SPAG11B: variants seen among roughly 807,000 people sequenced by gnomAD.
The protein encoded by SPAG11B is sperm associated antigen 11B, also known as sperm-associated antigen 11B.
In SPAG11B, 5 loss-of-function variants were observed where a neutral mutation model predicts 8.9. The ratio of observed to expected loss-of-function variants is 0.56; its 90% CI spans 0.29 to 1.19. SPAG11B has a LOEUF of 1.19. Ranked by LOEUF, SPAG11B falls within the 50% of genes most tolerant of loss-of-function variation. The pLI is 0.08. For synonymous variants in SPAG11B, 12 were observed against 53.0 expected, an observed-to-expected ratio of 0.23 and a Z score of 3.36; for missense variants, 38 against 146.4, an observed-to-expected ratio of 0.26 and a Z score of 3.82.
chr8:7,453,559 T>C (rs1810318550), intron 2 of SPAG11B, among the ~76,000 whole-genome samples: 1 of 149,046 alleles, frequency 6.7e-6, no homozygotes, highest in Non-Finnish European at 1.5e-5. Context: ...TGCAGAGCCT[T>C]GTTATTCTTC....
chr8:7,458,650 C>A, intron 2 of SPAG11B, among the ~76,000 whole-genome samples: 2 of 111,158 alleles, frequency 1.8e-5, no homozygotes, highest in Non-Finnish European at 3.6e-5. Flanking sequence ...AATCTAATAA[C>A]TGAACTTCAA....
At chr8:7,459,622 G>C (rs1404800902) in intron 2 of SPAG11B, among the ~76,000 whole-genome samples, 1 of 146,034 alleles carries the variant, frequency 6.8e-6, no homozygotes, top group Non-Finnish European at 1.5e-5. Context: ...GAGGAGTGAA[G>C]GGTTTGGACC....
rs1456844892 is a variant in SPAG11B, at chr8:7,458,989, G to A, written c.214+3718C>T. Among the ~76,000 whole-genome samples the A allele has an allele frequency of 6.7e-5, 6 of 89,640 alleles. 1 individual carries two copies. The highest frequency in any genetic ancestry group is 7.1e-5 in the African/African-American group (1 of 14,010). 58.8% of individuals were successfully genotyped at this position (89,640 alleles called of 152,430 possible). On this transcript the variant is annotated intron_variant, in intron 2 of 2. Transcript: ENST00000398462. ...CGACGCGGACAGATCACCTGAGGTC[G>A]GGAGTTTGAGACCAGCCTGATCAAC...
At chr8:7,452,692 G>T (rs1810251517) in intron 2 of SPAG11B, among the ~76,000 whole-genome samples, 1 of 64,736 alleles carries the variant, frequency 1.5e-5, no homozygotes, top group East Asian at 4.3e-4. Flanking sequence ...GAAAGCTGCG[G>T]TGTCCACCAC....
chr8:7,458,921 G>A (rs1347209595), intron 2 of SPAG11B, among the ~76,000 whole-genome samples: 4 of 54,282 alleles, frequency 7.4e-5, no homozygotes, highest in African/African-American at 2.3e-4. Flanking sequence ...TAACCTGGCC[G>A]GGCGCGGTGG....
At chr8:7,451,686 G>T (rs1810181830) in intron 2 of SPAG11B, among the ~76,000 whole-genome samples, 1 of 123,158 alleles carries the variant, frequency 8.1e-6, no homozygotes, top group Non-Finnish European at 1.7e-5. Context: ...AGACAGAAGA[G>T]CCCCCAGCCT....
In SPAG11B at chr8:7,450,872, G is replaced by T; in HGVS notation, c.243C>A (p.Thr81=). The change falls in exon 3 of 3, where the codon ACC becomes ACA. Residue 81 remains threonine, a synonymous_variant. Transcript: ENST00000398462. The part of the protein sequence containing the change: ...QGDVPPGIRN[T]ICHMQQGICR... ...AGATCCCTTGCTGCATATGGCAGAT[G>T]GTATTTCTAATTCCCGGTGGAACAT... is the stretch of plus-strand genomic sequence containing the variant. 6.4e-7 allele frequency: 1 copy of T among 1,551,474 alleles called. No individual in the cohort carries two copies. Among genetic ancestry groups the T allele is most frequent in the Non-Finnish European group, 8.8e-7 (1 of 1,140,434 alleles).
At chr8:7,457,003 A>G (rs2128874735) in intron 2 of SPAG11B, among the ~76,000 whole-genome samples, 1 of 91,360 alleles carries the variant, frequency 1.1e-5, no homozygotes, top group Non-Finnish European at 2.3e-5. Flanking sequence ...AATGAGAGGA[A>G]AAAAAAATCA....
In SPAG11B at chr8:7,450,920, G is replaced by A; in HGVS notation, c.215-20C>T. 3 of 1,551,038 alleles carry A rather than the reference G, an allele frequency of 1.9e-6. No homozygotes were observed. Among genetic ancestry groups the A allele is most frequent in the Non-Finnish European group, 2.6e-6 (3 of 1,139,228 alleles). On this transcript the variant is annotated intron_variant, in intron 2 of 2. Transcript: ENST00000398462. ...CATCCCCTATGGATACAACAGAAGA[G>A]AGTTGACATTTAACTCATATAGTGC...
At chr8:7,458,587 T>C (rs1454048605) in intron 2 of SPAG11B, among the ~76,000 whole-genome samples, 2 of 73,612 alleles carry the variant, frequency 2.7e-5, no homozygotes, top group East Asian at 8.4e-4. Context: ...AAGTCACACG[T>C]TGAGAAAGAA....
At chr8:7,450,454 C>T, downstream of SPAG11B, 1 of 811,170 alleles carries the variant, frequency 1.2e-6, no homozygotes, top group Non-Finnish European at 1.8e-6. Context: ...AGCTCGGTTT[C>T]TAGTCAGTTC....
At chr8:7,449,467 C>A (rs1364066366), downstream of SPAG11B, among the ~76,000 whole-genome samples, 2 of 148,982 alleles carry the variant, frequency 1.3e-5, no homozygotes, top group Non-Finnish European at 3.0e-5. Flanking sequence ...CTAATAGGGG[C>A]CAATGCCCTT....
chr8:7,451,478 C>A (rs559354507), intron 2 of SPAG11B, among the ~76,000 whole-genome samples: 32 of 109,054 alleles, frequency 2.9e-4, no homozygotes, highest in Admixed American at 1.5e-3. Flanking sequence ...GCAAATGCTA[C>A]GTACGATGAC....
At chr8:7,458,700 G>C (rs1421532475) in intron 2 of SPAG11B, among the ~76,000 whole-genome samples, 4 of 130,398 alleles carry the variant, frequency 3.1e-5, no homozygotes, top group Admixed American at 2.4e-4. Flanking sequence ...AAATAGAAGG[G>C]CTCTACAGAT....
At chr8:7,454,143 T>C (rs1303961881) in intron 2 of SPAG11B, among the ~76,000 whole-genome samples, 4 of 123,234 alleles carry the variant, frequency 3.2e-5, no homozygotes, top group East Asian at 4.7e-4. Flanking sequence ...CTTAGGGAAA[T>C]TGGCTTCCAC....
intron 2 of SPAG11B, among the ~76,000 whole-genome samples, chr8:7,459,521 G>C (rs1810650783): frequency 6.7e-6 from 1 of 148,876 alleles, no homozygotes; most frequent in South Asian, 2.2e-4. Context: ...CAGGTGGGAA[G>C]AGCTGAGACA....
downstream of SPAG11B, among the ~76,000 whole-genome samples, chr8:7,448,800 T>TTCCCTTCCCTTCCCTTCCC (rs1809961246): frequency 7.5e-6 from 1 of 132,534 alleles, no homozygotes; most frequent in Non-Finnish European, 1.6e-5. Context: ...TTCCCTTCCC[T>TTCCCTTCCCTTCCCTTCCC]TCCCTTCCAT....
At chr8:7,449,324 C>T (rs1585499808), downstream of SPAG11B, 2 of 348,168 alleles carry the variant, frequency 5.7e-6, no homozygotes, top group Admixed American at 7.6e-5. Flanking sequence ...CTCCAGCCCC[C>T]CAGTGGCCCT....
At position 7,450,882 on chromosome 8, in the gene SPAG11B, A is replaced by G; in HGVS notation, c.233T>C (p.Ile78Thr). Residue 78 changes from isoleucine (I) to threonine (T), a missense_variant, in exon 3 of 3, where the codon ATT becomes ACT. Ile to Thr is a moderately conservative substitution (Grantham distance 89, BLOSUM62 -1). Coordinates refer to ENST00000398462, the MANE Select transcript of SPAG11B (RefSeq NM_058201.4). ...PPYQGDVPPG[I>T]RNTICHMQQG... is the part of the protein sequence containing the mutation. ...CTGCATATGGCAGATGGTATTTCTA[A>G]TTCCCGGTGGAACATCCCCTATGGA... 6.4e-7 allele frequency: 1 copy of G among 1,554,246 alleles called. No homozygotes were observed. The highest frequency in any genetic ancestry group is 8.8e-7 in the Non-Finnish European group (1 of 1,141,056).
Sources: gnomAD v4.1 joint callset for allele counts (sites outside exome capture counted in the v4.1 genomes callset) on GRCh38, gnomAD v4.1.1 for gene constraint, MANE v1.5 for transcripts, NCBI Gene and HGNC (gene_info 2026-07-23, HGNC 2026-07-21) for gene names.